Variants in TUSC3 observed in about 807,000 individuals in gnomAD.
TUSC3 encodes dolichyl-diphosphooligosaccharide--protein glycosyltransferase subunit TUSC3.
TUSC3 carries 45 observed loss-of-function variants against 44.8 expected under a neutral mutation model. That is an observed-to-expected ratio of 1.00 (90% CI 0.79 to 1.29). The LOEUF is 1.29. TUSC3 is among the 50% of genes most tolerant of loss of function. TUSC3 has a pLI of 0.00. For missense variants in TUSC3, 519 were observed against 437.9 expected (o/e 1.19, Z -1.65); for synonymous variants, 212 against 152.9 (o/e 1.39, Z -2.85).
At chr8:15,509,859 T>C (rs1264317119) in intron 2 of TUSC3, among the ~76,000 whole-genome samples, 1 of 152,228 alleles carries the variant, frequency 6.6e-6, no homozygotes, top group Non-Finnish European at 1.5e-5. Context: ...CCAAAATATG[T>C]ATTTTTGAAA....
At chr8:15,440,268 C>T (rs1800003400) in intron 1 of TUSC3, among the ~76,000 whole-genome samples, 1 of 152,072 alleles carries the variant, frequency 6.6e-6, no homozygotes, top group Admixed American at 6.6e-5. Context: ...CATGCAAAGT[C>T]CCTGTGGCCA....
At chr8:15,844,483 G>T in the TUSC3 span, among the ~76,000 whole-genome samples, 1 of 152,114 alleles carries the variant, frequency 6.6e-6, no homozygotes, top group Non-Finnish European at 1.5e-5. Flanking sequence ...GAACAAAAGA[G>T]TTATGATGAA....
Position 15,555,172 on chromosome 8 carries a change from G to A in TUSC3, c.138+14604G>A, listed in dbSNP as rs966278815. 2.0e-3 allele frequency among the ~76,000 whole-genome samples: 227 copies of A among 115,662 alleles called. 2 individuals are homozygous for A. The highest frequency in any genetic ancestry group is 7.3e-3 in the African/African-American group (218 of 29,920). 75.9% of individuals were successfully genotyped at this position (115,662 alleles called of 152,430 possible). On this transcript the variant is annotated intron_variant, in intron 1 of 10. Coordinates refer to ENST00000503731, the MANE Select transcript of TUSC3 (RefSeq NM_006765.4). ...TTTTTTTTTTTTTTTTGGGGGGGAC[G>A]AGATCTTACTCTGTTGTCCAGGGTG...
chr8:15,624,607 C>G (rs1231319773), intron 2 of TUSC3, among the ~76,000 whole-genome samples: 1 of 152,152 alleles, frequency 6.6e-6, no homozygotes, highest in East Asian at 1.9e-4. Flanking sequence ...TATGTATCAT[C>G]TTTAATGAAG....
chr8:15,517,868 C>T (rs1382598807), intron 2 of TUSC3, among the ~76,000 whole-genome samples: 1 of 151,452 alleles, frequency 6.6e-6, no homozygotes. Flanking sequence ...ATTCACATAC[C>T]ACAAAATTTC....
intron 1 of TUSC3, among the ~76,000 whole-genome samples, chr8:15,457,390 C>G (rs1018679959): frequency 6.6e-6 from 1 of 151,102 alleles, no homozygotes; most frequent in Non-Finnish European, 1.5e-5. Context: ...AACATATGGC[C>G]AATAATCATA....
chr8:15,484,520 C>T (rs1419604727), intron 2 of TUSC3, among the ~76,000 whole-genome samples: 1 of 152,218 alleles, frequency 6.6e-6, no homozygotes, highest in Admixed American at 6.5e-5. Flanking sequence ...TTGTGAGATA[C>T]ATCTAAGTAT....
intron 1 of TUSC3, among the ~76,000 whole-genome samples, chr8:15,478,820 T>A (rs918455027): frequency 6.6e-6 from 1 of 152,088 alleles, no homozygotes; most frequent in African/African-American, 2.4e-5. Flanking sequence ...ATGGGTAAAA[T>A]GGTATTTCTG....
rs150721828 is a variant in TUSC3, at chr8:15,520,641, G to C, written n.189+37158G>C. Among the ~76,000 whole-genome samples, 929 of 152,292 alleles carry C rather than the reference G, an allele frequency of 6.1e-3. 5 individuals are homozygous for C. The highest frequency in any genetic ancestry group is 0.018 in the African/African-American group (746 of 41,566). ...CCTGGAAATACAGAAACATATAAAT[G>C]ATAGAGGAGATTCACAGGTTTAACT... On this transcript the variant is annotated intron_variant and non_coding_transcript_variant, in intron 2 of 5. Transcript: ENST00000503191.
chr8:15,834,059 G>C, the TUSC3 span, among the ~76,000 whole-genome samples: 4 of 151,926 alleles, frequency 2.6e-5, no homozygotes, highest in African/African-American at 7.3e-5. Flanking sequence ...CAATGAATTA[G>C]CTTTTATGGT....
chr8:15,683,407 A>G (rs1808502207), intron 6 of TUSC3, among the ~76,000 whole-genome samples: 1 of 151,946 alleles, frequency 6.6e-6, no homozygotes, highest in South Asian at 2.1e-4. Flanking sequence ...AGGCTCTGAA[A>G]TTGTTTCTTC....
At chr8:15,681,892 TTTG>T (rs1808443566) in intron 6 of TUSC3, among the ~76,000 whole-genome samples, 1 of 152,122 alleles carries the variant, frequency 6.6e-6, no homozygotes, top group African/African-American at 2.4e-5. Flanking sequence ...CAAAGAATTT[TTTG>T]TTTTCTGTCT....
chr8:15,762,546 C>T (rs1168805778), intron 10 of TUSC3, among the ~76,000 whole-genome samples: 2 of 152,026 alleles, frequency 1.3e-5, no homozygotes, highest in South Asian at 2.1e-4. Flanking sequence ...TTTGCTTTTA[C>T]AGGGGTAATA....
chr8:15,839,753 A>G, the TUSC3 span, among the ~76,000 whole-genome samples: 27 of 152,206 alleles, frequency 1.8e-4, no homozygotes, highest in African/African-American at 6.5e-4. Context: ...ATGTGGAGAA[A>G]TAGGAACACT....
chr8:15,808,188 A>G, the TUSC3 span, among the ~76,000 whole-genome samples: 1 of 152,128 alleles, frequency 6.6e-6, no homozygotes, highest in Admixed American at 6.5e-5. Flanking sequence ...ATTACCTGCA[A>G]TCTTTAAGCA....
chr8:15,684,933 C>A (rs1585227303), intron 6 of TUSC3, among the ~76,000 whole-genome samples: 1 of 152,166 alleles, frequency 6.6e-6, no homozygotes, highest in African/African-American at 2.4e-5. Flanking sequence ...TTCAGGCAGG[C>A]AGGCTTAGGA....
chr8:15,621,338 A>G (rs1245465375), intron 1 of TUSC3, among the ~76,000 whole-genome samples: 1 of 151,316 alleles, frequency 6.6e-6, no homozygotes, highest in Non-Finnish European at 1.5e-5. Flanking sequence ...TTAACATGGA[A>G]AATAACCTCA....
chr8:15,556,782 T>C lies in TUSC3; in HGVS notation c.138+16214T>C, dbSNP rs568890905. 5.3e-5 allele frequency among the ~76,000 whole-genome samples: 7 copies of C among 131,608 alleles called. No individual in the cohort carries two copies. In the East Asian group the frequency reaches 7.4e-4, roughly 14 times the overall value. 86.3% of individuals were successfully genotyped at this position (131,608 alleles called of 152,430 possible). On this transcript the variant is annotated intron_variant, in intron 1 of 10. Transcript: ENST00000503731. ...ATGATGAGCATTTTTTCATGTGTTT[T>C]TTGGCTGCATAAATGTCTTCTTTTG...
At chr8:15,552,753 C>G (rs937564140) in intron 1 of TUSC3, among the ~76,000 whole-genome samples, 1 of 151,480 alleles carries the variant, frequency 6.6e-6, no homozygotes, top group Non-Finnish European at 1.5e-5. Context: ...ATCCTGAAAT[C>G]GGTGGGGAGA....
Sources: allele counts gnomAD v4.1 joint callset (sites outside exome capture counted in the v4.1 genomes callset), GRCh38; gene constraint gnomAD v4.1.1; transcripts MANE v1.5; gene names NCBI Gene and HGNC (gene_info 2026-07-23, HGNC 2026-07-21).